The following SLC19A3 variants were observed in gnomAD, a reference collection of about 807,000 sequenced individuals.
SLC19A3 encodes thiamine transporter 2.
SLC19A3 carries 31 observed loss-of-function variants against 40.2 expected under a neutral mutation model. That is an observed-to-expected ratio of 0.77 (90% CI 0.58 to 1.04). The LOEUF (loss-of-function observed/expected upper bound fraction) is 1.04, where lower values mean the gene tolerates loss of function less well. Among genes scored for constraint, SLC19A3 ranks in the 50% least tolerant of loss-of-function variants. SLC19A3 has a pLI of 0.00. For synonymous variants in SLC19A3, 212 were observed against 227.5 expected (o/e 0.93, Z 0.61); for missense variants, 592 against 596.7 (o/e 0.99, Z 0.08).
At position 227,699,388 on chromosome 2, in the gene SLC19A3, T is replaced by C. The variant is rs961855863; in HGVS notation, c.327A>G (p.Val109=). 1.2e-6 allele frequency: 2 copies of C among 1,614,028 alleles called. No homozygotes were observed. The highest frequency in any genetic ancestry group is 1.7e-6 in the Non-Finnish European group (2 of 1,180,046). ...CGGTGACCATCCCATAGAAGAACTC[T>C]ACAACCTGCATGGTCTTCACTCCTT... ...FGQGVKTMQV[V]EFFYGMVTAA... The change falls in exon 3 of 6, where the codon GTA becomes GTG. Residue 109 remains valine, a synonymous_variant. Coordinates refer to ENST00000644224, the MANE Select transcript of SLC19A3 (RefSeq NM_025243.4).
chr2:227,702,393 T>C, intron 1 of SLC19A3, 73 bp from the exon 2 acceptor site: 1 of 1,419,586 alleles, frequency 7.0e-7, no homozygotes, highest in Non-Finnish European at 9.5e-7. Flanking sequence ...GATGAAAACC[T>C]GATTTTTTTT....
At chr2:227,707,610 A>AT (rs942404138) in intron 1 of SLC19A3, among the ~76,000 whole-genome samples, 1 of 146,214 alleles carries the variant, frequency 6.8e-6, no homozygotes, top group African/African-American at 2.4e-5. Context: ...ATAAAATATA[A>AT]TAAAAAAAAA....
Position 227,686,832 on chromosome 2 carries a change from G to A in SLC19A3, c.*565C>T, listed in dbSNP as rs928718259. On this transcript the variant is annotated 3_prime_UTR_variant, in exon 6 of 6. Coordinates refer to ENST00000644224, the MANE Select transcript of SLC19A3 (RefSeq NM_025243.4). ...ACTATCAAATCATAACGTGAATAAT[G>A]CTGTTATTAGAGTTGAAGAGAAGCC... is the stretch of plus-strand genomic sequence containing the variant. 2 of 152,208 alleles carry A rather than the reference G, an allele frequency of 1.3e-5. No homozygotes were observed. Among genetic ancestry groups the A allele is most frequent in the Non-Finnish European group, 2.9e-5 (2 of 68,068 alleles). 9.4% of individuals were successfully genotyped at this position (152,208 alleles called of 1,614,324 possible).
chr2:227,706,473 A>G, intron 1 of SLC19A3: 6 of 1,226,338 alleles, frequency 4.9e-6, no homozygotes, highest in Non-Finnish European at 5.1e-6. Context: ...TAAACGGTAG[A>G]TTAAAAATTT....
At chr2:227,689,025 A>G (rs1043127175) in intron 4 of SLC19A3, among the ~76,000 whole-genome samples, 1 of 152,150 alleles carries the variant, frequency 6.6e-6, no homozygotes, top group Non-Finnish European at 1.5e-5. Flanking sequence ...GAACTGATCA[A>G]GCAGAAGAAA....
Position 227,702,276 on chromosome 2 carries a change from G to A in SLC19A3, c.43C>T (p.Pro15Ser). 1.9e-6 allele frequency: 3 copies of A among 1,613,946 alleles called. No individual in the cohort carries two copies. Among genetic ancestry groups the A allele is most frequent in the East Asian group, 2.2e-5 (1 of 44,884 alleles). Reference protein sequence around the residue: ...RTSLSSSWIYPTVILCLFGFF... With the variant: ...RTSLSSSWIYSTVILCLFGFF... Reference sequence around the variant, plus strand: ...CCAAATAAGCAGAGGATCACAGTGGGGTAAATCCAGGAACTGCTTAGTGAA... The same window carrying A: ...CCAAATAAGCAGAGGATCACAGTGGAGTAAATCCAGGAACTGCTTAGTGAA... The change falls in exon 2 of 6, where the codon CCC becomes TCC. Residue 15 changes from proline to serine, a missense_variant. By Grantham distance (74) the Pro-to-Ser change is moderately conservative. Coordinates refer to ENST00000644224, the MANE Select transcript of SLC19A3 (RefSeq NM_025243.4).
In SLC19A3 at chr2:227,714,349, G is replaced by A. The variant is rs571422587; in HGVS notation, c.-3+3594C>T. The A allele has an allele frequency of 9.7e-6, 8 of 825,986 alleles. No homozygotes were observed. In the South Asian group the frequency reaches 4.4e-4, roughly 46 times the overall value. 51.2% of individuals were successfully genotyped at this position (825,986 alleles called of 1,614,324 possible). On this transcript the variant is annotated intron_variant, in intron 1 of 5. Coordinates refer to ENST00000644224, the MANE Select transcript of SLC19A3 (RefSeq NM_025243.4). ...TGCCCGTAACGCAAAGCTAGGACAG[G>A]GCAATAAACCTTGTAAGTCTGGCCA...
At chr2:227,704,362 C>T (rs1695847255) in intron 1 of SLC19A3, among the ~76,000 whole-genome samples, 2 of 152,238 alleles carry the variant, frequency 1.3e-5, no homozygotes, top group South Asian at 4.1e-4. Flanking sequence ...TTACCATTTA[C>T]GACTAGGACT....
chr2:227,699,325 C>T lies in SLC19A3; in HGVS notation c.390G>A (p.Val130=), dbSNP rs376187918. Residue 130 remains valine (V), a synonymous_variant, in exon 3 of 6, where the codon GTG becomes GTA. Transcript: ENST00000644224. ...CTCTCTGGTAGTGCTCGGGGCTGAC[C>T]ACGCTGTATATGTAGGCGTAGTAGG... is the stretch of plus-strand genomic sequence containing the variant. ...EVAYYAYIYS[V]VSPEHYQRVS... is the part of the protein sequence containing the mutation. The T allele has an allele frequency of 5.6e-6, 9 of 1,614,020 alleles. No individual in the cohort carries two copies. The African/African-American group carries it at 1.1e-4, about 19-fold the overall frequency.
At chr2:227,707,859 T>G (rs1696004250) in intron 1 of SLC19A3, among the ~76,000 whole-genome samples, 1 of 152,088 alleles carries the variant, frequency 6.6e-6, no homozygotes, top group Non-Finnish European at 1.5e-5. Context: ...TCCCAAGTAG[T>G]TGAGATTACA....
chr2:227,706,634 G>A (rs936506981), intron 1 of SLC19A3: 14 of 230,980 alleles, frequency 6.1e-5, no homozygotes, highest in African/African-American at 1.8e-4. Context: ...AGTCGGTTGC[G>A]GTGGTGGGTG....
chr2:227,695,671 A>T (rs1413891275), intron 4 of SLC19A3: 1 of 568,566 alleles, frequency 1.8e-6, no homozygotes, highest in Non-Finnish European at 3.1e-6. Context: ...ATAAACCTAC[A>T]GAGTTTTTTC....
At chr2:227,693,700 C>T (rs1015541905) in intron 4 of SLC19A3, among the ~76,000 whole-genome samples, 7 of 151,984 alleles carry the variant, frequency 4.6e-5, no homozygotes, top group African/African-American at 1.7e-4. Flanking sequence ...CTTGAGTACC[C>T]CACAAACACA....
At chr2:227,693,531 C>T (rs1171876689) in intron 4 of SLC19A3, among the ~76,000 whole-genome samples, 3 of 152,204 alleles carry the variant, frequency 2.0e-5, no homozygotes, top group South Asian at 4.1e-4. Flanking sequence ...ACTGAATATC[C>T]GTATGCAGAA....
chr2:227,687,516 T>A lies in SLC19A3; in HGVS notation c.1372A>T (p.Met458Leu), dbSNP rs1695062251. ...GATTTGGTTGAGTAGGTAATATACA[T>A]GCTTCTCATTAGGAAAATTCCAGCA... ...VIAGIFLMRSMYITYSTKSQK... is the reference protein window; with the variant it reads ...VIAGIFLMRSLYITYSTKSQK... Residue 458 changes from methionine to leucine, a missense_variant, in exon 6 of 6, where the codon ATG (methionine) becomes TTG (leucine). Coordinates refer to ENST00000644224, the MANE Select transcript of SLC19A3 (RefSeq NM_025243.4). 1.2e-6 allele frequency: 2 copies of A among 1,614,118 alleles called. No homozygotes were observed. The highest frequency in any genetic ancestry group is 1.7e-5 in the Admixed American group (1 of 60,018).
At chr2:227,695,836 G>T in intron 4 of SLC19A3, 53 bp downstream of exon 4, 1 of 1,551,324 alleles carries the variant, frequency 6.4e-7, no homozygotes, top group East Asian at 2.2e-5. Context: ...AGTTTAGAAA[G>T]ACAGAAGAGA....
chr2:227,699,615 G>A (rs1050617287), intron 2 of SLC19A3, 51 bp from the exon 3 acceptor site: 3 of 1,490,942 alleles, frequency 2.0e-6, no homozygotes, highest in African/African-American at 2.8e-5. Flanking sequence ...CTTTACTAAG[G>A]TACCTGTGGT....
At chr2:227,710,490 G>A (rs1008689048) in intron 1 of SLC19A3, among the ~76,000 whole-genome samples, 3 of 152,138 alleles carry the variant, frequency 2.0e-5, no homozygotes, top group African/African-American at 7.2e-5. Flanking sequence ...GAAGTTAGGA[G>A]TTCGAGACCA....
At chr2:227,705,779 A>G (rs12475271) in intron 1 of SLC19A3, among the ~76,000 whole-genome samples, 147,911 of 152,212 alleles carry the variant, frequency 0.97, 72,008 homozygotes, top group East Asian at 1. Context: ...CAAGGTGATG[A>G]GTTGATCTGT....
Sources: gnomAD v4.1 joint callset for allele counts (sites outside exome capture counted in the v4.1 genomes callset) on GRCh38, gnomAD v4.1.1 for gene constraint, MANE v1.5 for transcripts, NCBI Gene and HGNC (gene_info 2026-07-23, HGNC 2026-07-21) for gene names.